Variants in CDH23 observed in about 807,000 individuals in gnomAD.
CDH23 encodes cadherin-23.
In CDH23, 189 loss-of-function variants were observed where a neutral mutation model predicts 317.1. The observed-to-expected ratio is 0.60, with a 90% CI of 0.53 to 0.67. The LOEUF is 0.67. Among genes scored for constraint, CDH23 ranks in the 30% least tolerant of loss-of-function variants. The probability of loss-of-function intolerance (pLI) is 0.00; values close to 1 mark genes in which losing one functional copy is unlikely to be tolerated. For synonymous variants in CDH23, 1,839 were observed against 1,876.8 expected, an observed-to-expected ratio of 0.98 and a Z score of 0.52; for missense variants, 4,401 against 4,592.4, an observed-to-expected ratio of 0.96 and a Z score of 1.20.
At chr10:71,743,863 G>T (rs768471966) in intron 38 of CDH23, among the ~76,000 whole-genome samples, 18 of 152,206 alleles carry the variant, frequency 1.2e-4, no homozygotes, top group Non-Finnish European at 2.6e-4. Flanking sequence ...AGGCTCAGAG[G>T]TGTCAGAGCT....
At chr10:71,610,232 A>G in intron 9 of CDH23, among the ~76,000 whole-genome samples, 1 of 152,114 alleles carries the variant, frequency 6.6e-6, no homozygotes, top group East Asian at 1.9e-4. Flanking sequence ...TGAAATGCTG[A>G]CCTCAAGTAA....
rs1351303781 is a variant in CDH23 at position 71,677,459 on chromosome 10, C to G, written c.1518C>G (p.Phe506Leu). The change falls in exon 16 of 70, where the codon TTC (phenylalanine) becomes TTG (leucine). Residue 506 changes from phenylalanine to leucine, a missense_variant. This residue lies in a region of CDH23 where 3,068 missense variants were observed against 3,203.3 expected (regional missense o/e 0.96). Transcript: ENST00000224721. ...SYFFSDDPDR[F>L]SLDKDTGLIM... is the part of the protein sequence containing the mutation. ...CCATCCTCTCGGCCTGGCACAGGTTCTCGCTGGACAAGGACACGGGACTCA... is the reference window on the plus strand; with the variant it reads ...CCATCCTCTCGGCCTGGCACAGGTTGTCGCTGGACAAGGACACGGGACTCA... 2 of 1,603,974 alleles carry G rather than the reference C, an allele frequency of 1.2e-6. No individual in the cohort carries two copies. The highest frequency in any genetic ancestry group is 2.2e-5 in the East Asian group (1 of 44,594).
intron 6 of CDH23, among the ~76,000 whole-genome samples, chr10:71,537,984 T>C (rs2132279378): frequency 6.6e-6 from 1 of 152,192 alleles, no homozygotes; most frequent in Admixed American, 6.5e-5. Context: ...CTGCACAGAG[T>C]AAAGCTGTCG....
chr10:71,752,623 G>A (rs542863083), intron 38 of CDH23, among the ~76,000 whole-genome samples: 12 of 152,192 alleles, frequency 7.9e-5, no homozygotes, highest in Non-Finnish European at 1.6e-4. Flanking sequence ...CTGCGGGCAG[G>A]AGGCACAGCT....
intron 14 of CDH23, among the ~76,000 whole-genome samples, chr10:71,672,614 C>T (rs1217323358): frequency 6.6e-6 from 1 of 152,198 alleles, no homozygotes; most frequent in Non-Finnish European, 1.5e-5. Flanking sequence ...GCCCTGGGGA[C>T]AAGGGTCACT....
intron 1 of CDH23, among the ~76,000 whole-genome samples, chr10:71,415,446 T>A (rs186533699): frequency 5.3e-5 from 8 of 152,352 alleles, no homozygotes; most frequent in African/African-American, 1.9e-4. Flanking sequence ...TCAATTGTAT[T>A]GATCTTTTCA....
chr10:71,398,990 C>A (rs916245085), intron 1 of CDH23, among the ~76,000 whole-genome samples: 2 of 152,200 alleles, frequency 1.3e-5, no homozygotes, highest in Non-Finnish European at 2.9e-5. Context: ...GGGCTCCTCA[C>A]GTCTGCTTAC....
chr10:71,566,668 TGAGG>T (rs1213627617), intron 6 of CDH23, 70 bp from the exon 7 acceptor site: 9 of 1,359,104 alleles, frequency 6.6e-6, no homozygotes, highest in Non-Finnish European at 8.9e-6. Context: ...GAATGGGCTT[TGAGG>T]GACTCAGCCC....
chr10:71,484,757 TTTTTGG>T (rs1244534099), intron 3 of CDH23, among the ~76,000 whole-genome samples: 2 of 152,146 alleles, frequency 1.3e-5, no homozygotes, highest in African/African-American at 4.8e-5. Context: ...CTGCTGTAGG[TTTTTGG>T]TATATACATT....
chr10:71,771,926 G>C (rs1398569794), intron 38 of CDH23, among the ~76,000 whole-genome samples: 1 of 152,210 alleles, frequency 6.6e-6, no homozygotes, highest in African/African-American at 2.4e-5. Flanking sequence ...GGGCAAGAAA[G>C]CAGGAAGGGT....
At chr10:71,779,203 G>C in intron 40 of CDH23, 64 bp from the exon 41 acceptor site, 3 of 1,492,784 alleles carry the variant, frequency 2.0e-6, no homozygotes, top group South Asian at 2.3e-5. Context: ...ACAGAGGAAG[G>C]AACTGAGGCC....
At chr10:71,794,886 G>A (rs910008856) in intron 48 of CDH23, among the ~76,000 whole-genome samples, 1 of 152,170 alleles carries the variant, frequency 6.6e-6, no homozygotes, top group African/African-American at 2.4e-5. Context: ...GGTGGAGTTG[G>A]GGCCATGCAG....
chr10:71,668,136 G>A (rs61852018), intron 14 of CDH23, among the ~76,000 whole-genome samples: 24,339 of 151,940 alleles, frequency 0.16, 2,449 homozygotes, highest in Non-Finnish European at 0.23. Flanking sequence ...CTGCATCCTG[G>A]GAAACCACAG....
chr10:71,566,796 G>A lies in CDH23; in HGVS notation c.484G>A (p.Gly162Arg). The A allele has an allele frequency of 1.9e-6, 3 of 1,612,918 alleles. No individual in the cohort carries two copies. The highest frequency in any genetic ancestry group is 1.7e-6 in the Non-Finnish European group (2 of 1,179,008). Residue 162 changes from glycine to arginine, a missense_variant, in exon 7 of 70, where the codon GGG becomes AGG. This residue lies in a region of CDH23 where 3,068 missense variants were observed against 3,203.3 expected (regional missense o/e 0.96). Transcript: ENST00000224721. The stretch of plus-strand genomic sequence containing the variant: ...CGTGAATGCCACAGACCCCGACTTG[G>A]GGGCAGGGGGCAGCGTCCTCTACTC... ...FIVNATDPDLGAGGSVLYSFQ... is the reference protein window; with the variant it reads ...FIVNATDPDLRAGGSVLYSFQ...
Position 71,582,605 on chromosome 10 carries a change from T to A in CDH23, c.832+4613T>A, listed in dbSNP as rs565952303. Reference sequence around the variant, plus strand: ...GACCAGCTGCATAACCTTCTAAGCATCCGTTTTCCAATCTGTAAAATGGAG... The same window carrying A: ...GACCAGCTGCATAACCTTCTAAGCAACCGTTTTCCAATCTGTAAAATGGAG... On this transcript the variant is annotated intron_variant, in intron 9 of 69. Transcript: ENST00000224721. Among the ~76,000 whole-genome samples, 8 of 152,276 alleles carry A rather than the reference T, an allele frequency of 5.3e-5. No homozygotes were observed. In the East Asian group the frequency reaches 1.5e-3, roughly 29 times the overall value.
chr10:71,776,818 T>C (rs918789397), intron 38 of CDH23, among the ~76,000 whole-genome samples: 2 of 152,216 alleles, frequency 1.3e-5, no homozygotes, highest in Admixed American at 1.3e-4. Context: ...ACTGCTTTCA[T>C]CTTCAGCCAG....
At chr10:71,547,420 G>C (rs1856342936) in intron 6 of CDH23, among the ~76,000 whole-genome samples, 2 of 152,254 alleles carry the variant, frequency 1.3e-5, no homozygotes, top group Admixed American at 1.3e-4. Flanking sequence ...AGGAGTCAGT[G>C]AAGCCGAGAA....
intron 3 of CDH23, among the ~76,000 whole-genome samples, chr10:71,451,315 C>G (rs1263750645): frequency 6.6e-6 from 1 of 152,208 alleles, no homozygotes; most frequent in Admixed American, 6.5e-5. Context: ...CCCTGCCCAG[C>G]CTGAGGCAGA....
At chr10:71,520,481 A>T (rs1309168574) in intron 6 of CDH23, among the ~76,000 whole-genome samples, 3 of 152,220 alleles carry the variant, frequency 2.0e-5, no homozygotes, top group Non-Finnish European at 4.4e-5. Flanking sequence ...ATTAGTGGCA[A>T]AGCATGGGCC....
Sources: gnomAD v4.1 joint callset for allele counts (sites outside exome capture counted in the v4.1 genomes callset) on GRCh38, gnomAD v4.1.1 for gene constraint, gnomAD v4.1.1 regional missense constraint, MANE v1.5 for transcripts, NCBI Gene and HGNC (gene_info 2026-07-23, HGNC 2026-07-21) for gene names.